COMMD10: variants seen among roughly 807,000 people sequenced by gnomAD.
COMMD10 encodes the protein COMM domain-containing protein 10.
A neutral mutation model predicts 28.9 loss-of-function variants in COMMD10; 33 were observed. That is an observed-to-expected ratio of 1.14 (90% CI 0.87 to 1.53). The LOEUF (loss-of-function observed/expected upper bound fraction) is 1.53. COMMD10 is among the 40% of genes most tolerant of loss of function. The probability of loss-of-function intolerance (pLI) is 0.00; values close to 1 mark genes in which losing one functional copy is unlikely to be tolerated. For missense variants in COMMD10, 310 were observed against 233.4 expected (o/e 1.33, Z -2.14); for synonymous variants, 110 against 81.7 (o/e 1.35, Z -1.87).
At chr5:116,236,628 T>C (rs901931234) in intron 5 of COMMD10, among the ~76,000 whole-genome samples, 2 of 151,488 alleles carry the variant, frequency 1.3e-5, no homozygotes, top group African/African-American at 4.9e-5. Context: ...TCCAACTATA[T>C]GACATTCTAG....
At chr5:116,143,486 G>C (rs760204547) in intron 5 of COMMD10, among the ~76,000 whole-genome samples, 3 of 151,712 alleles carry the variant, frequency 2.0e-5, no homozygotes, top group Non-Finnish European at 4.4e-5. Flanking sequence ...AATTTTGTGG[G>C]ATTCCATAGT....
At chr5:116,136,382 T>C (rs1752025186) in intron 5 of COMMD10, among the ~76,000 whole-genome samples, 1 of 152,226 alleles carries the variant, frequency 6.6e-6, no homozygotes, top group Non-Finnish European at 1.5e-5. Flanking sequence ...CAAGTAGCTA[T>C]ATACTTCCTT....
rs547583566 is a variant in COMMD10 at position 116,105,243 on chromosome 5, T to G, written c.399+12543T>G. Among the ~76,000 whole-genome samples the G allele has an allele frequency of 1.2e-3, 187 of 152,320 alleles. 1 individual carries two copies. Among genetic ancestry groups the G allele is most frequent in the Non-Finnish European group, 1.7e-3 (118 of 68,028 alleles). ...TTGTTGTTTTTTCATTGGTTCTGTT[T>G]ATGTGATGGATTACTTTTATTGACT... On this transcript the variant is annotated intron_variant, in intron 4 of 6. Coordinates refer to ENST00000274458, the MANE Select transcript of COMMD10 (RefSeq NM_016144.4).
At chr5:116,195,513 A>G (rs1444657019) in intron 5 of COMMD10, among the ~76,000 whole-genome samples, 1 of 152,174 alleles carries the variant, frequency 6.6e-6, no homozygotes, top group Non-Finnish European at 1.5e-5. Context: ...ATACACCAAC[A>G]GCGACCAAAC....
At chr5:116,187,121 T>A (rs1748162809) in intron 5 of COMMD10, among the ~76,000 whole-genome samples, 1 of 152,102 alleles carries the variant, frequency 6.6e-6, no homozygotes, top group South Asian at 2.1e-4. Context: ...ACAAAAAACT[T>A]TAAAAACAGT....
intron 5 of COMMD10, among the ~76,000 whole-genome samples, chr5:116,199,268 G>T (rs1389673801): frequency 3.3e-5 from 5 of 152,012 alleles, no homozygotes; most frequent in Non-Finnish European, 7.4e-5. Context: ...CTTTGATGAG[G>T]TTTCTGTTTA....
intron 5 of COMMD10, among the ~76,000 whole-genome samples, chr5:116,215,724 A>G (rs1346679312): frequency 7.4e-6 from 1 of 135,640 alleles, no homozygotes; most frequent in African/African-American, 3.0e-5. Flanking sequence ...ATATATATAT[A>G]TATATATGTA....
intron 5 of COMMD10, among the ~76,000 whole-genome samples, chr5:116,167,732 A>G (rs1040874840): frequency 1.3e-5 from 2 of 152,202 alleles, no homozygotes; most frequent in African/African-American, 2.4e-5. Flanking sequence ...CAACCTAGCT[A>G]AATTCCATAA....
chr5:116,291,930 G>T (rs1475397769), intron 6 of COMMD10, among the ~76,000 whole-genome samples: 1 of 151,918 alleles, frequency 6.6e-6, no homozygotes, highest in Non-Finnish European at 1.5e-5. Context: ...TGCCTTTAGA[G>T]ATTTATCTGT....
intron 5 of COMMD10, among the ~76,000 whole-genome samples, chr5:116,137,429 CTG>C (rs1752054824): frequency 6.6e-6 from 1 of 151,978 alleles, no homozygotes; most frequent in Non-Finnish European, 1.5e-5. Flanking sequence ...AAGTACAAAA[CTG>C]TCATACTTAT....
intron 4 of COMMD10, among the ~76,000 whole-genome samples, chr5:116,125,349 C>A (rs1193406270): frequency 6.6e-5 from 10 of 152,152 alleles, no homozygotes. Context: ...GTTGAAAATT[C>A]TTTTCTTTAA....
chr5:116,288,544 C>T (rs374587724), intron 5 of COMMD10, among the ~76,000 whole-genome samples: 1 of 151,624 alleles, frequency 6.6e-6, no homozygotes, highest in Non-Finnish European at 1.5e-5. Context: ...ATTTTTTTCT[C>T]TCTTACTTTC....
At chr5:116,145,718 G>T (rs747677573) in intron 5 of COMMD10, among the ~76,000 whole-genome samples, 4 of 151,810 alleles carry the variant, frequency 2.6e-5, no homozygotes, top group African/African-American at 9.7e-5. Context: ...AATCATGAGG[G>T]TGGTTCCCCC....
intron 4 of COMMD10, among the ~76,000 whole-genome samples, chr5:116,093,785 G>C (rs1190693062): frequency 6.6e-6 from 1 of 152,156 alleles, no homozygotes; most frequent in Non-Finnish European, 1.5e-5. Context: ...GTATTACAAG[G>C]CTATAGTAAC....
chr5:116,225,891 A>G (rs1370108396), intron 5 of COMMD10, among the ~76,000 whole-genome samples: 1 of 151,182 alleles, frequency 6.6e-6, no homozygotes, highest in African/African-American at 2.4e-5. Flanking sequence ...GTCAGCTAGG[A>G]ATTTGTGTAG....
intron 5 of COMMD10, among the ~76,000 whole-genome samples, chr5:116,154,583 TAAA>T (rs1256026847): frequency 6.6e-6 from 1 of 152,114 alleles, no homozygotes; most frequent in East Asian, 1.9e-4. Flanking sequence ...AGCTCTGATA[TAAA>T]AATTCTTTCA....
intron 5 of COMMD10, among the ~76,000 whole-genome samples, chr5:116,161,793 G>A (rs2112567896): frequency 6.6e-6 from 1 of 152,274 alleles, no homozygotes; most frequent in Non-Finnish European, 1.5e-5. Context: ...GTGGCAGAGG[G>A]AGAATAGACG....
chr5:116,213,234 T>G (rs1749012759), intron 5 of COMMD10, among the ~76,000 whole-genome samples: 1 of 152,244 alleles, frequency 6.6e-6, no homozygotes, highest in Non-Finnish European at 1.5e-5. Context: ...AAAGCAATTC[T>G]TAATAATTTT....
intron 5 of COMMD10, among the ~76,000 whole-genome samples, chr5:116,256,241 G>T (rs544920539): frequency 6.6e-6 from 1 of 151,646 alleles, no homozygotes; most frequent in Non-Finnish European, 1.5e-5. Flanking sequence ...TTGAATCACC[G>T]TTCGGACAGA....
Sources: allele counts gnomAD v4.1 joint callset (sites outside exome capture counted in the v4.1 genomes callset), GRCh38; gene constraint gnomAD v4.1.1; transcripts MANE v1.5; gene names NCBI Gene and HGNC (gene_info 2026-07-23, HGNC 2026-07-21).